The following TSPAN18 variants were observed in gnomAD, a reference collection of about 807,000 sequenced individuals.
TSPAN18 encodes tetraspanin-18.
Under a neutral mutation model 27.3 loss-of-function variants are expected in TSPAN18, and 14 were observed. The observed-to-expected ratio is 0.51, with a 90% CI of 0.34 to 0.80. The LOEUF is 0.80. TSPAN18 is among the 30% of genes least tolerant of loss of function. The pLI, the probability that TSPAN18 is intolerant of heterozygous loss-of-function variation, is 0.01. For synonymous variants in TSPAN18, 143 were observed against 136.5 expected, an observed-to-expected ratio of 1.05 and a Z score of -0.33; for missense variants, 268 against 323.9, an observed-to-expected ratio of 0.83 and a Z score of 1.32.
intron 2 of TSPAN18, among the ~76,000 whole-genome samples, chr11:44,789,353 G>C (rs1053916833): frequency 6.6e-6 from 1 of 152,160 alleles, no homozygotes; most frequent in Non-Finnish European, 1.5e-5. Flanking sequence ...TGGAGCCTTT[G>C]GAAGAAAAAT....
intron 1 of TSPAN18, among the ~76,000 whole-genome samples, chr11:44,732,538 C>T (rs1590398498): frequency 6.6e-6 from 1 of 152,124 alleles, no homozygotes; most frequent in Non-Finnish European, 1.5e-5. Context: ...TAGACTGAAT[C>T]AAGCCCCCTC....
At chr11:44,909,378 ACCT>A in intron 4 of TSPAN18, 1 of 258,276 alleles carries the variant, frequency 3.9e-6, no homozygotes, top group South Asian at 1.0e-4. Flanking sequence ...GGACTAGATG[ACCT>A]CCTAATCCTA....
At chr11:44,819,901 G>A (rs1856892065) in intron 2 of TSPAN18, among the ~76,000 whole-genome samples, 1 of 152,132 alleles carries the variant, frequency 6.6e-6, no homozygotes, top group African/African-American at 2.4e-5. Context: ...GACAGATCCA[G>A]GCAAAGGTGT....
At chr11:44,771,323 C>T (rs1001444568) in intron 2 of TSPAN18, among the ~76,000 whole-genome samples, 1 of 152,196 alleles carries the variant, frequency 6.6e-6, no homozygotes, top group Non-Finnish European at 1.5e-5. Context: ...GCTGGATCTT[C>T]TAATGTCTCT....
chr11:44,770,494 C>T (rs1447465198), intron 2 of TSPAN18, among the ~76,000 whole-genome samples: 1 of 151,988 alleles, frequency 6.6e-6, no homozygotes, highest in Admixed American at 6.6e-5. Flanking sequence ...GGTGCTACAC[C>T]CAGGGTAGTG....
At chr11:44,791,970 C>T (rs835843) in intron 2 of TSPAN18, among the ~76,000 whole-genome samples, 3,689 of 152,234 alleles carry the variant, frequency 0.024, 159 homozygotes, top group African/African-American at 0.083. Context: ...GGGCTGCAGA[C>T]AATGTCCTGG....
At chr11:44,802,460 G>T (rs1166110238) in intron 2 of TSPAN18, among the ~76,000 whole-genome samples, 2 of 152,262 alleles carry the variant, frequency 1.3e-5, no homozygotes, top group East Asian at 3.9e-4. Flanking sequence ...ATTCTAATTT[G>T]CATTTTAAAT....
At chr11:44,731,414 C>T (rs544484073) in intron 1 of TSPAN18, among the ~76,000 whole-genome samples, 1 of 152,276 alleles carries the variant, frequency 6.6e-6, no homozygotes, top group South Asian at 2.1e-4. Context: ...AGTAATACCC[C>T]ATCAGATTGT....
chr11:44,795,315 T>C (rs1856323622), intron 2 of TSPAN18, among the ~76,000 whole-genome samples: 1 of 151,472 alleles, frequency 6.6e-6, no homozygotes, highest in Non-Finnish European at 1.5e-5. Flanking sequence ...CTGGTCCTGA[T>C]GTTGGCATGA....
chr11:44,739,793 A>G lies in TSPAN18; in HGVS notation c.-240+12506A>G, dbSNP rs370555106. Among the ~76,000 whole-genome samples, 58 of 124,338 alleles carry G rather than the reference A, an allele frequency of 4.7e-4. 1 individual carries two copies. The highest frequency in any genetic ancestry group is 1.9e-3 in the African/African-American group (46 of 23,922). The allele number at this position is 124,338 out of a possible 152,430, so 81.6% of individuals were successfully genotyped here. ...CCAGAGACAGCCCTGGGCTGCTCCT[A>G]TGGGTTTTTCCAGCCTGCCTTCAGG... On this transcript the variant is annotated intron_variant, in intron 1 of 9. Transcript: ENST00000520358.
chr11:44,788,757 GT>G (rs756502862), intron 2 of TSPAN18, among the ~76,000 whole-genome samples: 46 of 152,262 alleles, frequency 3.0e-4, no homozygotes, highest in Middle Eastern at 3.4e-3. Flanking sequence ...TGGAGGAGGG[GT>G]TTTCTGCAAA....
intron 2 of TSPAN18, among the ~76,000 whole-genome samples, chr11:44,844,771 A>G (rs1357923299): frequency 6.6e-6 from 1 of 152,128 alleles, no homozygotes; most frequent in Non-Finnish European, 1.5e-5. Flanking sequence ...TACTTTTCCC[A>G]GTCTGTGTTT....
At chr11:44,784,651 C>G (rs927057843) in intron 2 of TSPAN18, among the ~76,000 whole-genome samples, 1 of 152,178 alleles carries the variant, frequency 6.6e-6, no homozygotes, top group Admixed American at 6.5e-5. Context: ...AGCTGCCACC[C>G]CCACCTTGTT....
chr11:44,924,181 C>T (rs1298699159), intron 8 of TSPAN18, among the ~76,000 whole-genome samples: 2 of 151,950 alleles, frequency 1.3e-5, no homozygotes, highest in South Asian at 2.1e-4. Flanking sequence ...TTCCACCACT[C>T]AGGATATGCT....
Position 44,929,389 on chromosome 11 carries a change from C to G in TSPAN18, c.*211C>G. ...GGACTGATGTATCCTCGCCTGGACT[C>G]AGGGCAGGTGCCGTGGGTTCTCCAG... On this transcript the variant is annotated 3_prime_UTR_variant, in exon 10 of 10. Transcript: ENST00000520358. 1 of 632,212 alleles carries G rather than the reference C, an allele frequency of 1.6e-6. No individual in the cohort carries two copies. The highest frequency in any genetic ancestry group is 1.8e-5 in the African/African-American group (1 of 54,328). The allele number at this position is 632,212 out of a possible 1,614,324, so 39.2% of individuals were successfully genotyped here.
chr11:44,858,472 G>C (rs377637718), intron 2 of TSPAN18, among the ~76,000 whole-genome samples: 6 of 152,236 alleles, frequency 3.9e-5, no homozygotes, highest in Admixed American at 3.3e-4. Flanking sequence ...TTCACAGATG[G>C]AGAAACTGAG....
chr11:44,757,731 T>C (rs1201359943), intron 1 of TSPAN18, among the ~76,000 whole-genome samples: 1 of 152,234 alleles, frequency 6.6e-6, no homozygotes, highest in Non-Finnish European at 1.5e-5. Context: ...TTAGTGATGT[T>C]GAGCATATTT....
chr11:44,920,533 C>T (rs1422195147), intron 8 of TSPAN18, among the ~76,000 whole-genome samples: 1 of 152,162 alleles, frequency 6.6e-6, no homozygotes, highest in African/African-American at 2.4e-5. Flanking sequence ...TCCCTTCCTG[C>T]ACGTGCCATT....
intron 2 of TSPAN18, among the ~76,000 whole-genome samples, chr11:44,838,654 T>C (rs1357192005): frequency 6.6e-6 from 1 of 152,160 alleles, no homozygotes; most frequent in African/African-American, 2.4e-5. Context: ...AAGACTGGAC[T>C]GGCCGCTGCT....
Sources: allele counts gnomAD v4.1 joint callset (sites outside exome capture counted in the v4.1 genomes callset), GRCh38; gene constraint gnomAD v4.1.1; transcripts MANE v1.5; gene names NCBI Gene and HGNC (gene_info 2026-07-23, HGNC 2026-07-21).